The following PDE1C variants were observed in gnomAD, a reference collection of about 807,000 sequenced individuals.
PDE1C encodes the protein phosphodiesterase 1C, also known as dual specificity calcium/calmodulin-dependent 3',5'-cyclic nucleotide phosphodiesterase 1C.
Under a neutral mutation model 93.1 loss-of-function variants are expected in PDE1C, and 62 were observed. The ratio of observed to expected loss-of-function variants is 0.67; its 90% confidence interval spans 0.54 to 0.82. The LOEUF (loss-of-function observed/expected upper bound fraction) is 0.82. Ranked by LOEUF, PDE1C falls within the 40% of genes least tolerant of loss-of-function variation. PDE1C has a pLI of 0.00. For missense variants in PDE1C, 742 were observed against 884.6 expected (o/e 0.84, Z 2.04); for synonymous variants, 325 against 310.1 (o/e 1.05, Z -0.50).
chr7:32,313,275 G>A (rs1783094072), intron 1 of PDE1C, among the ~76,000 whole-genome samples: 1 of 152,122 alleles, frequency 6.6e-6, no homozygotes, highest in South Asian at 2.1e-4. Flanking sequence ...AGAGGATGTG[G>A]AGAAATAGGA....
chr7:32,363,614 T>G (rs1446561391), intron 1 of PDE1C, among the ~76,000 whole-genome samples: 1 of 152,242 alleles, frequency 6.6e-6, no homozygotes, highest in Non-Finnish European at 1.5e-5. Flanking sequence ...CTCTTCTTTT[T>G]AACAAATGGA....
intron 2 of PDE1C, among the ~76,000 whole-genome samples, chr7:31,999,668 G>C (rs929036212): frequency 6.6e-6 from 1 of 152,204 alleles, no homozygotes; most frequent in Admixed American, 6.5e-5. Context: ...CTTTAGGCAA[G>C]AGACAGATGA....
chr7:31,705,095 C>G, the PDE1C span, among the ~76,000 whole-genome samples: 1 of 152,188 alleles, frequency 6.6e-6, no homozygotes. Flanking sequence ...GGTTCACCCT[C>G]TACTTGAAAT....
the PDE1C span, among the ~76,000 whole-genome samples, chr7:31,617,889 A>G: frequency 0.048 from 7,316 of 152,270 alleles, 512 homozygotes; most frequent in African/African-American, 0.16. Flanking sequence ...TTCTAACGCT[A>G]CAAATCACTG....
chr7:32,418,631 A>T (rs1054275745), intron 1 of PDE1C, among the ~76,000 whole-genome samples: 5 of 152,210 alleles, frequency 3.3e-5, no homozygotes, highest in African/African-American at 1.2e-4. Context: ...TTCAGAACAG[A>T]GGCTTTATTT....
intron 15 of PDE1C, among the ~76,000 whole-genome samples, chr7:31,810,061 C>G (rs1787364002): frequency 6.6e-6 from 1 of 152,104 alleles, no homozygotes; most frequent in Non-Finnish European, 1.5e-5. Flanking sequence ...TGCAAAGAGA[C>G]AGGCAAAGCC....
At chr7:32,061,428 T>C (rs1437540626) in intron 1 of PDE1C, among the ~76,000 whole-genome samples, 7 of 152,232 alleles carry the variant, frequency 4.6e-5, no homozygotes, top group Non-Finnish European at 8.8e-5. Context: ...GGCCCAGCCA[T>C]ATCCATGGAG....
intron 6 of PDE1C, among the ~76,000 whole-genome samples, chr7:31,869,328 A>G (rs1795655126): frequency 1.3e-5 from 2 of 152,112 alleles, no homozygotes; most frequent in South Asian, 4.1e-4. Context: ...GACTAGCTAA[A>G]TGGATTAAAA....
chr7:31,880,833 C>T lies in PDE1C; in HGVS notation c.156G>A (p.Glu52=), dbSNP rs1223937478. Residue 52 remains glutamate, a synonymous_variant, in exon 3 of 18, where the codon GAG becomes GAA. Transcript: ENST00000396191. ...GATCTACCACTGAAGCTTCCCCTCTCTCTAATTGTTTGACCAAAGACCGTA... is the reference window on the plus strand; with the variant it reads ...GATCTACCACTGAAGCTTCCCCTCTTTCTAATTGTTTGACCAAAGACCGTA... ...QRLRSLVKQL[E]RGEASVVDLK... is the part of the protein sequence containing the mutation. The T allele has an allele frequency of 1.2e-6, 2 of 1,610,536 alleles. No individual in the cohort carries two copies. The highest frequency in any genetic ancestry group is 4.5e-5 in the East Asian group (2 of 44,824).
At chr7:32,203,888 G>T (rs1471116207) in intron 2 of PDE1C, among the ~76,000 whole-genome samples, 1 of 151,990 alleles carries the variant, frequency 6.6e-6, no homozygotes, top group African/African-American at 2.4e-5. Context: ...TAGAAAATTC[G>T]CTCTCCCTGT....
intron 3 of PDE1C, among the ~76,000 whole-genome samples, chr7:32,140,826 G>A (rs1253120103): frequency 6.6e-6 from 1 of 152,222 alleles, no homozygotes; most frequent in Non-Finnish European, 1.5e-5. Context: ...GTATAATAGA[G>A]GCAGGGAGTG....
rs1794152350 is a variant in PDE1C at position 31,751,809 on chromosome 7, TGAATAACTGCAG to T, written c.*1563_*1574del. 6.6e-6 allele frequency: 1 copy of T among 152,098 alleles called. No individual in the cohort carries two copies. Among genetic ancestry groups the T allele is most frequent in the South Asian group, 2.1e-4 (1 of 4,824 alleles). 9.4% of individuals were successfully genotyped at this position (152,098 alleles called of 1,614,324 possible). The stretch of plus-strand genomic sequence containing the variant: ...ACTAAATTCCGGAACTTGCTCAACT[TGAATAACTGCAG>T]TTTATTGGAAATGAACTGCAGGGAA... On this transcript the variant is annotated 3_prime_UTR_variant, in exon 18 of 18. Transcript: ENST00000396191.
the PDE1C span, among the ~76,000 whole-genome samples, chr7:31,703,270 A>G: frequency 1.1e-4 from 16 of 152,232 alleles, no homozygotes; most frequent in African/African-American, 3.9e-4. Context: ...TCTAAGCCAC[A>G]GCATTTTACT....
At chr7:31,848,368 C>T (rs1022264255) in intron 8 of PDE1C, among the ~76,000 whole-genome samples, 4 of 152,078 alleles carry the variant, frequency 2.6e-5, no homozygotes, top group Non-Finnish European at 5.9e-5. Flanking sequence ...ATCTCAATTA[C>T]CTATATTAGT....
chr7:31,685,422 A>G, the PDE1C span, among the ~76,000 whole-genome samples: 1 of 152,222 alleles, frequency 6.6e-6, no homozygotes, highest in South Asian at 2.1e-4. Flanking sequence ...GCTTACGTAT[A>G]GGAGATCTCC....
intron 14 of PDE1C, among the ~76,000 whole-genome samples, chr7:31,822,729 A>T (rs1000572419): frequency 1.3e-5 from 2 of 152,180 alleles, no homozygotes; most frequent in African/African-American, 4.8e-5. Flanking sequence ...TAAAAGAAGA[A>T]ATAAAAGCCT....
intron 2 of PDE1C, among the ~76,000 whole-genome samples, chr7:31,949,900 T>C (rs1288803410): frequency 3.9e-5 from 6 of 152,216 alleles, no homozygotes; most frequent in Admixed American, 1.3e-4. Flanking sequence ...GTTTACTTTC[T>C]TCGTAGATTT....
intron 2 of PDE1C, among the ~76,000 whole-genome samples, chr7:31,910,548 C>G (rs1167950735): frequency 6.6e-6 from 1 of 152,180 alleles, no homozygotes; most frequent in African/African-American, 2.4e-5. Context: ...GCTAGTAGCA[C>G]AGTGAAACTC....
At chr7:32,339,288 G>A (rs938881287) in intron 1 of PDE1C, among the ~76,000 whole-genome samples, 1 of 152,132 alleles carries the variant, frequency 6.6e-6, no homozygotes, top group Middle Eastern at 3.4e-3. Context: ...TGTATTATAC[G>A]ATGAGCCTAG....
Sources: gnomAD v4.1 joint callset for allele counts (sites outside exome capture counted in the v4.1 genomes callset) on GRCh38, gnomAD v4.1.1 for gene constraint, MANE v1.5 for transcripts, NCBI Gene and HGNC (gene_info 2026-07-23, HGNC 2026-07-21) for gene names.